The following DNAH9 variants were observed in gnomAD, a reference collection of about 807,000 sequenced individuals.
DNAH9 encodes the protein DNAH9 variant protein.
Under a neutral mutation model 471.6 loss-of-function variants are expected in DNAH9, and 345 were observed. The observed-to-expected ratio is 0.73, with a 90% CI of 0.67 to 0.80. DNAH9 has a LOEUF of 0.80. Among genes scored for constraint, DNAH9 ranks in the 30% least tolerant of loss-of-function variants. DNAH9 has a pLI of 0.00. For missense variants in DNAH9, 5,407 were observed against 5,609.2 expected (o/e 0.96, Z 1.15); for synonymous variants, 2,093 against 2,123.6 (o/e 0.99, Z 0.40).
At chr17:11,934,099 T>C in intron 65 of DNAH9, 28 bp downstream of exon 65, 1 of 1,598,170 alleles carries the variant, frequency 6.3e-7, no homozygotes, top group South Asian at 1.1e-5. Flanking sequence ...GCTTCTGATG[T>C]CGTGAGGGTG....
intron 52 of DNAH9, among the ~76,000 whole-genome samples, chr17:11,872,282 A>G (rs1365661230): frequency 2.6e-5 from 4 of 151,892 alleles, no homozygotes; most frequent in Admixed American, 6.6e-5. Context: ...ACAGCTGCTC[A>G]CATGCTTCTT....
At chr17:11,639,026 C>T (rs1326019047) in intron 9 of DNAH9, among the ~76,000 whole-genome samples, 2 of 152,194 alleles carry the variant, frequency 1.3e-5, no homozygotes, top group Non-Finnish European at 2.9e-5. Context: ...GTCCTGCCAC[C>T]AGCCAGAGAA....
At chr17:11,953,615 T>A (rs1017519634) in intron 67 of DNAH9, among the ~76,000 whole-genome samples, 11 of 151,990 alleles carry the variant, frequency 7.2e-5, no homozygotes, top group African/African-American at 2.4e-4. Flanking sequence ...ATCAAGACCA[T>A]CCTGGCTAAC....
chr17:11,960,718 C>T (rs1355217729), intron 67 of DNAH9, among the ~76,000 whole-genome samples: 27 of 148,568 alleles, frequency 1.8e-4, no homozygotes, highest in Non-Finnish European at 3.0e-4. Flanking sequence ...GAGATTGCGC[C>T]CCTGCACTCC....
rs540435655 is a variant in DNAH9 at position 11,945,329 on chromosome 17, G to A, written c.12843+2844G>A. On this transcript the variant is annotated intron_variant, in intron 67 of 68. Transcript: ENST00000262442. ...AGGCAGGTGGATTGCTTAAGGTCAG[G>A]AGTTCAAGACCAGCCTGGCCAACAT... Among the ~76,000 whole-genome samples the A allele has an allele frequency of 1.1e-4, 16 of 152,214 alleles. No homozygotes were observed. The East Asian group carries it at 2.9e-3, about 28-fold the overall frequency.
chr17:11,918,302 G>A (rs183945747), intron 61 of DNAH9, among the ~76,000 whole-genome samples: 1 of 152,164 alleles, frequency 6.6e-6, no homozygotes, highest in East Asian at 1.9e-4. Context: ...CGCCATCTTG[G>A]CTCATTGCCA....
intron 62 of DNAH9, among the ~76,000 whole-genome samples, chr17:11,926,474 T>C (rs1488995267): frequency 3.3e-5 from 5 of 152,182 alleles, no homozygotes; most frequent in Admixed American, 6.5e-5. Flanking sequence ...GTTCTCATTG[T>C]TCAGCTCCCA....
At chr17:11,926,709 T>C (rs1381915952) in intron 62 of DNAH9, among the ~76,000 whole-genome samples, 1 of 152,240 alleles carries the variant, frequency 6.6e-6, no homozygotes, top group Non-Finnish European at 1.5e-5. Flanking sequence ...ATAGTGCTGC[T>C]GTGAACATAT....
At chr17:11,660,319 C>CTTTTTT (rs1208889792) in intron 14 of DNAH9, among the ~76,000 whole-genome samples, 8 of 97,506 alleles carry the variant, frequency 8.2e-5, no homozygotes, top group Admixed American at 1.3e-4. Context: ...TTAAATGTTT[C>CTTTTTT]TTTTTTTTTT....
At chr17:11,709,740 C>A (rs1375367760) in intron 26 of DNAH9, among the ~76,000 whole-genome samples, 1 of 152,158 alleles carries the variant, frequency 6.6e-6, no homozygotes, top group Non-Finnish European at 1.5e-5. Flanking sequence ...TCTCATAAGT[C>A]GTTTCTCGAC....
At chr17:11,781,844 CAAACA>C (rs1364522007) in intron 39 of DNAH9, among the ~76,000 whole-genome samples, 1 of 114,284 alleles carries the variant, frequency 8.8e-6, no homozygotes, top group Non-Finnish European at 1.8e-5. Flanking sequence ...AAAAAAAAAA[CAAACA>C]AAAAAAAAAC....
rs2072304198 is a variant in DNAH9, at chr17:11,598,486, G to C, written c.-13G>C. The C allele has an allele frequency of 7.3e-7, 1 of 1,362,346 alleles. No individual in the cohort carries two copies. The highest frequency in any genetic ancestry group is 9.4e-7 in the Non-Finnish European group (1 of 1,065,670). 84.4% of individuals were successfully genotyped at this position (1,362,346 alleles called of 1,614,324 possible). A position where few individuals can be genotyped will look rare whatever the true frequency, so the allele number is the denominator to read the frequency against. ...GTCGCTAGGGAAACCGATGCAGCTG[G>C]AGGCCGCGCGCGATGCGGCTCGCGG... On this transcript the variant is annotated 5_prime_UTR_variant, in exon 1 of 69. Coordinates refer to ENST00000262442, the MANE Select transcript of DNAH9 (RefSeq NM_001372.4).
chr17:11,969,370 T>C lies in DNAH9; in HGVS notation c.13304T>C (p.Ile4435Thr). ...PPMPVMFIKAIPADKQDCRSV... is the reference protein window; with the variant it reads ...PPMPVMFIKATPADKQDCRSV... ...ATGCCTGTGATGTTCATCAAGGCCA[T>C]TCCTGCAGATAAGCAGGACTGCCGC... is the stretch of plus-strand genomic sequence containing the variant. The change falls in exon 69 of 69, where the codon ATT (isoleucine) becomes ACT (threonine). Residue 4435 changes from isoleucine to threonine, a missense_variant. This residue lies in a region of DNAH9 where 4,636 missense variants were observed against 4,900.3 expected (regional missense o/e 0.95). Transcript: ENST00000262442. 1 of 1,614,086 alleles carries C rather than the reference T, an allele frequency of 6.2e-7. No homozygotes were observed. Among genetic ancestry groups the C allele is most frequent in the Non-Finnish European group, 8.5e-7 (1 of 1,180,016 alleles).
intron 61 of DNAH9, among the ~76,000 whole-genome samples, chr17:11,919,857 T>G (rs527927579): frequency 6.6e-6 from 1 of 151,738 alleles, no homozygotes; most frequent in African/African-American, 2.4e-5. Context: ...TTCACTGAAG[T>G]AGAAAAATAG....
intron 10 of DNAH9, 75 bp from the exon 11 acceptor site, chr17:11,644,556 A>C: frequency 9.5e-7 from 1 of 1,053,574 alleles, no homozygotes; most frequent in Non-Finnish European, 1.4e-6. Context: ...TTCTTTGGAG[A>C]CTGCAGTTTG....
intron 4 of DNAH9, among the ~76,000 whole-genome samples, chr17:11,616,670 C>G (rs2072751903): frequency 6.6e-6 from 1 of 152,106 alleles, no homozygotes. Flanking sequence ...TGTTATGTCT[C>G]TATGCTCTGT....
chr17:11,886,969 A>G lies in DNAH9; in HGVS notation c.11112+4A>G, dbSNP rs1972900262. On this transcript the variant is annotated splice_donor_region_variant and intron_variant, in intron 57 of 68. Transcript: ENST00000262442. ...AATGTACCAGTTTTCTCTCAAGGTG[A>G]CTTACACCTGGAGTTTCTTGCCTGA... The G allele has an allele frequency of 6.2e-7, 1 of 1,607,234 alleles. No individual in the cohort carries two copies. The highest frequency in any genetic ancestry group is 1.7e-5 in the Admixed American group (1 of 58,900).
At chr17:11,603,356 C>G (rs2072425938) in intron 1 of DNAH9, among the ~76,000 whole-genome samples, 1 of 152,188 alleles carries the variant, frequency 6.6e-6, no homozygotes, top group South Asian at 2.1e-4. Context: ...TAACCTCACT[C>G]TGAGACGCTC....
intron 67 of DNAH9, among the ~76,000 whole-genome samples, chr17:11,949,343 A>G (rs890605959): frequency 4.6e-5 from 7 of 152,182 alleles, no homozygotes; most frequent in African/African-American, 1.4e-4. Flanking sequence ...CCAGTGTTTT[A>G]AGTTTTCTCT....
Sources: allele counts gnomAD v4.1 joint callset (sites outside exome capture counted in the v4.1 genomes callset), GRCh38; gene constraint gnomAD v4.1.1; regional missense constraint gnomAD v4.1.1; transcripts MANE v1.5; gene names NCBI Gene and HGNC (gene_info 2026-07-23, HGNC 2026-07-21).